PKD1L1: variants seen among roughly 807,000 people sequenced by gnomAD.
PKD1L1 encodes polycystin 1 like 1, transient receptor potential channel interacting, also known as polycystin-1-like protein 1.
In PKD1L1, 236 loss-of-function variants were observed where a neutral mutation model predicts 323.4. The observed-to-expected ratio is 0.73, with a 90% CI of 0.66 to 0.81. The LOEUF (loss-of-function observed/expected upper bound fraction) is 0.81, where lower values mean the gene tolerates loss of function less well. Ranked by LOEUF, PKD1L1 falls within the 40% of genes least tolerant of loss-of-function variation. The pLI is 0.00. For synonymous variants in PKD1L1, 1,344 were observed against 1,335.0 expected, an observed-to-expected ratio of 1.01 and a Z score of -0.15; for missense variants, 3,320 against 3,508.0, an observed-to-expected ratio of 0.95 and a Z score of 1.35.
intron 8 of PKD1L1, among the ~76,000 whole-genome samples, chr7:47,909,042 G>C (rs1390639271): frequency 6.6e-6 from 1 of 152,186 alleles, no homozygotes; most frequent in Non-Finnish European, 1.5e-5. Flanking sequence ...CAGACCTGAA[G>C]AACTCCCAGC....
Position 47,800,657 on chromosome 7 carries a change from AAC to A in PKD1L1, c.8183_8184del (p.Cys2728PhefsTer21). On this transcript the variant is annotated frameshift_variant, in exon 54 of 57. Coordinates refer to ENST00000289672, the MANE Select transcript of PKD1L1 (RefSeq NM_138295.5). LOFTEE classifies it high-confidence loss of function. ...GILLIVSATLCFGMLRGFLMT... is the reference protein window; with the variant it reads ...GILLIVSATLXFGMLRGFLMT... Reference sequence around the variant, plus strand: ...GGGATGTGTTTACTTACCATTCCAAAACACAGTGTGGCAGAGACTATTAAAAG... The same window carrying A: ...GGGATGTGTTTACTTACCATTCCAAAACAGTGTGGCAGAGACTATTAAAAG... The A allele has an allele frequency of 1.2e-6, 2 of 1,614,086 alleles. No homozygotes were observed. The highest frequency in any genetic ancestry group is 8.5e-7 in the Non-Finnish European group (1 of 1,179,916).
chr7:47,933,543 G>A (rs995212782), intron 4 of PKD1L1, among the ~76,000 whole-genome samples: 2 of 152,032 alleles, frequency 1.3e-5, no homozygotes, highest in Non-Finnish European at 2.9e-5. Context: ...CCAACGCAAC[G>A]TCCTGGCCCT....
chr7:47,803,553 A>T (rs1217821743), intron 52 of PKD1L1, among the ~76,000 whole-genome samples: 1 of 152,174 alleles, frequency 6.6e-6, no homozygotes, highest in East Asian at 1.9e-4. Flanking sequence ...GCATTTTGAG[A>T]AGACCTGCTC....
intron 45 of PKD1L1, among the ~76,000 whole-genome samples, chr7:47,823,087 C>T (rs1785178903): frequency 6.6e-6 from 1 of 152,118 alleles, no homozygotes; most frequent in Admixed American, 6.5e-5. Context: ...TTGGCTAGGA[C>T]TTCCAATGTG....
intron 20 of PKD1L1, among the ~76,000 whole-genome samples, chr7:47,881,494 C>T (rs905726996): frequency 6.6e-6 from 1 of 152,158 alleles, no homozygotes; most frequent in Non-Finnish European, 1.5e-5. Flanking sequence ...GGAAATACAA[C>T]AAATTGAGCA....
At chr7:47,863,523 C>T (rs1320853935) in intron 26 of PKD1L1, among the ~76,000 whole-genome samples, 1 of 152,034 alleles carries the variant, frequency 6.6e-6, no homozygotes, top group African/African-American at 2.4e-5. Context: ...AGGGGTCAGT[C>T]AACAAGGCCA....
At chr7:47,859,011 G>T (rs149032330) in intron 26 of PKD1L1, 126 bp from the exon 27 acceptor site, 2 of 1,241,632 alleles carry the variant, frequency 1.6e-6, no homozygotes, top group Middle Eastern at 2.8e-4. Flanking sequence ...TAAATAAAGT[G>T]CCTCATGGCA....
At chr7:47,816,258 A>G (rs1384239897) in intron 46 of PKD1L1, among the ~76,000 whole-genome samples, 1 of 152,204 alleles carries the variant, frequency 6.6e-6, no homozygotes, top group Non-Finnish European at 1.5e-5. Context: ...TTTCTTTCCA[A>G]TTAACTTCTT....
intron 22 of PKD1L1, among the ~76,000 whole-genome samples, chr7:47,877,034 C>T (rs1786420628): frequency 6.6e-6 from 1 of 152,056 alleles, no homozygotes; most frequent in South Asian, 2.1e-4. Context: ...CTCATTTCAC[C>T]CTCACAAGAC....
intron 26 of PKD1L1, among the ~76,000 whole-genome samples, chr7:47,864,478 G>A (rs1295871416): frequency 6.6e-6 from 1 of 152,084 alleles, no homozygotes; most frequent in Admixed American, 6.5e-5. Flanking sequence ...CAAGCCCCTT[G>A]CCAAAATTAT....
At chr7:47,837,608 C>T (rs1443234718) in intron 36 of PKD1L1, among the ~76,000 whole-genome samples, 1 of 152,124 alleles carries the variant, frequency 6.6e-6, no homozygotes, top group Non-Finnish European at 1.5e-5. Flanking sequence ...AAAACCCCTC[C>T]ACTCTCAGAA....
chr7:47,932,506 G>A (rs1414550037), intron 4 of PKD1L1, among the ~76,000 whole-genome samples: 1 of 152,240 alleles, frequency 6.6e-6, no homozygotes, highest in Non-Finnish European at 1.5e-5. Context: ...AGGGAGGCAG[G>A]GCTTGGGAAT....
rs139284759 is a variant in PKD1L1, at chr7:47,914,364, C to G, written c.1228+1068G>C. On this transcript the variant is annotated intron_variant, in intron 8 of 56. Coordinates refer to ENST00000289672, the MANE Select transcript of PKD1L1 (RefSeq NM_138295.5). Reference sequence around the variant, plus strand: ...ATAAGAATGATCAGAATGATTCACACAGCAAAGCCAAGTCCATTGTAGAGA... The same window carrying G: ...ATAAGAATGATCAGAATGATTCACAGAGCAAAGCCAAGTCCATTGTAGAGA... Among the ~76,000 whole-genome samples the G allele has an allele frequency of 8.9e-4, 136 of 152,252 alleles. 1 individual carries two copies. The highest frequency in any genetic ancestry group is 3.2e-3 in the African/African-American group (131 of 41,512).
rs938767694 is a variant in PKD1L1 at position 47,822,611 on chromosome 7, A to C, written c.6855-1425T>G. ...CTCCGTCTCAAAAAAAAAAAAAAAA[A>C]AAAAAAAACAGCTGTGGTATTGCAT... On this transcript the variant is annotated intron_variant, in intron 45 of 56. Transcript: ENST00000289672. Among the ~76,000 whole-genome samples the C allele has an allele frequency of 2.3e-3, 354 of 151,468 alleles. 1 individual carries two copies. The highest frequency in any genetic ancestry group is 8.0e-3 in the African/African-American group (333 of 41,418).
intron 8 of PKD1L1, among the ~76,000 whole-genome samples, chr7:47,912,690 C>T (rs982593956): frequency 2.1e-4 from 32 of 151,558 alleles, no homozygotes; most frequent in African/African-American, 7.3e-4. Context: ...GTGGTGTATG[C>T]CTGTAATCCT....
chr7:47,832,960 G>C, intron 41 of PKD1L1, 130 bp downstream of exon 41: 1 of 1,272,034 alleles, frequency 7.9e-7, no homozygotes, highest in Non-Finnish European at 1.1e-6. Flanking sequence ...GCCCATGCCT[G>C]GTTTTTAGAT....
At chr7:47,960,621 G>C in the PKD1L1 span, among the ~76,000 whole-genome samples, 2 of 150,328 alleles carry the variant, frequency 1.3e-5, no homozygotes, top group African/African-American at 4.9e-5. Context: ...GATTATTTCA[G>C]ATATGTATGT....
chr7:47,819,469 C>T (rs1440378002), intron 46 of PKD1L1: 3 of 1,175,352 alleles, frequency 2.6e-6, no homozygotes, highest in Non-Finnish European at 3.3e-6. Flanking sequence ...TTTCCATTTC[C>T]ATTGAGGACC....
rs765526203 is a variant in PKD1L1 at position 47,839,564 on chromosome 7, T to A, written c.5651A>T (p.Glu1884Val). The part of the protein sequence containing the change: ...GWFISHVMVK[E>V]LHTGQGWFFP... The stretch of plus-strand genomic sequence containing the variant: ...GAACCAGCCCTGTCCCGTGTGCAGC[T>A]CCTTCACCATCACGTGGCTGATGAA... The change falls in exon 36 of 57, where the codon GAG (glutamate) becomes GTG (valine). Residue 1884 changes from glutamate (E) to valine (V), a missense_variant. By Grantham distance (121) the Glu-to-Val change is moderately radical (BLOSUM62 -2). Transcript: ENST00000289672. The surrounding 1 kb of genome is among the most constrained non-coding windows in gnomAD (Gnocchi z 4.3). 3.7e-6 allele frequency: 6 copies of A among 1,606,260 alleles called. No individual in the cohort carries two copies. In the South Asian group the frequency reaches 6.7e-5, roughly 18 times the overall value.
Sources: allele counts gnomAD v4.1 joint callset (sites outside exome capture counted in the v4.1 genomes callset), GRCh38; gene constraint gnomAD v4.1.1; non-coding constraint Gnocchi (gnomAD v3.1); transcripts MANE v1.5; gene names NCBI Gene and HGNC (gene_info 2026-07-23, HGNC 2026-07-21).